Variants in TMEM236 observed in about 807,000 individuals in gnomAD.
The protein encoded by TMEM236 is family with sequence similarity 23, member A.
A neutral mutation model predicts 14.7 loss-of-function variants in TMEM236; 11 were observed. That is an observed-to-expected ratio of 0.75 (90% confidence interval 0.47 to 1.24). TMEM236 has a LOEUF of 1.24. Among genes scored for constraint, TMEM236 ranks in the 50% most tolerant of loss-of-function variants. The pLI is 0.00. For synonymous variants in TMEM236, 182 were observed against 168.6 expected (o/e 1.08, Z -0.62); for missense variants, 464 against 427.3 (o/e 1.09, Z -0.76).
At position 17,796,105 on chromosome 10, in the gene TMEM236, C is replaced by T; in HGVS notation, c.657C>T (p.Ser219=). ...ESVFMGPQEP[S]CDSGILRMMS... is the part of the protein sequence containing the mutation. ...TGTTCATGGGACCCCAGGAGCCCTC[C>T]TGTGACTCCGGAATCCTGAGAATGA... is the stretch of plus-strand genomic sequence containing the variant. Residue 219 remains serine, a synonymous_variant, in exon 4 of 4, where the codon TCC becomes TCT. Coordinates refer to ENST00000377495, the MANE Select transcript of TMEM236 (RefSeq NM_001098844.3). 1.9e-6 allele frequency: 3 copies of T among 1,613,882 alleles called. No homozygotes were observed. Among genetic ancestry groups the T allele is most frequent in the South Asian group, 2.2e-5 (2 of 91,074 alleles).
chr10:17,790,144 C>T (rs1589152771), intron 3 of TMEM236, among the ~76,000 whole-genome samples: 2 of 152,264 alleles, frequency 1.3e-5, no homozygotes, highest in Admixed American at 6.5e-5. Flanking sequence ...GTGGGAGGAT[C>T]GCGTTTGCCC....
intron 1 of TMEM236, among the ~76,000 whole-genome samples, chr10:17,770,961 G>T (rs1837561533): frequency 6.6e-6 from 1 of 152,134 alleles, no homozygotes; most frequent in Admixed American, 6.5e-5. Flanking sequence ...AAGTCATGCT[G>T]TTCATTTATT....
In TMEM236 at chr10:17,798,771, A is replaced by G. The variant is rs1414036759; in HGVS notation, c.*2267A>G. On this transcript the variant is annotated 3_prime_UTR_variant, in exon 4 of 4. Transcript: ENST00000377495. ...AAGATGAACATAATACTAGTACTAC[A>G]TTAATAGGGTTAGGAGGGTTAAAGG... The G allele has an allele frequency of 1.4e-5, 7 of 507,112 alleles. No individual in the cohort carries two copies. The highest frequency in any genetic ancestry group is 2.1e-5 in the Admixed American group (1 of 47,650). 31.4% of individuals were successfully genotyped at this position (507,112 alleles called of 1,614,324 possible).
intron 3 of TMEM236, among the ~76,000 whole-genome samples, chr10:17,781,785 C>CGT (rs1265240401): frequency 3.4e-5 from 5 of 147,126 alleles, no homozygotes; most frequent in Admixed American, 3.4e-4. Context: ...AATTTGCATG[C>CGT]GTGTGTGTGT....
Position 17,798,471 on chromosome 10 carries a change from C to A in TMEM236, c.*1967C>A, listed in dbSNP as rs1838049863. The A allele has an allele frequency of 6.2e-6, 3 of 482,644 alleles. No individual in the cohort carries two copies. Among genetic ancestry groups the A allele is most frequent in the African/African-American group, 6.0e-5 (3 of 49,846 alleles). The allele number at this position is 482,644 out of a possible 1,614,324, so 29.9% of individuals were successfully genotyped here. ...GGAAGATTGCTTGAGCCCAGGAGGT[C>A]AAGGCTACAGTGAGCTATGATCATG... On this transcript the variant is annotated 3_prime_UTR_variant, in exon 4 of 4. Coordinates refer to ENST00000377495, the MANE Select transcript of TMEM236 (RefSeq NM_001098844.3).
At chr10:17,794,221 A>G (rs1837971529) in intron 3 of TMEM236, among the ~76,000 whole-genome samples, 1 of 152,184 alleles carries the variant, frequency 6.6e-6, no homozygotes, top group Non-Finnish European at 1.5e-5. Context: ...TTTCAAATTC[A>G]GTTCCACGCG....
At chr10:17,757,028 G>T (rs1029787788) in intron 1 of TMEM236, among the ~76,000 whole-genome samples, 1 of 152,126 alleles carries the variant, frequency 6.6e-6, no homozygotes, top group African/African-American at 2.4e-5. Flanking sequence ...CTGGCCACAC[G>T]TGTTTTAAAT....
chr10:17,755,274 G>A (rs1837269723), intron 1 of TMEM236, among the ~76,000 whole-genome samples: 1 of 152,042 alleles, frequency 6.6e-6, no homozygotes, highest in Admixed American at 6.6e-5. Context: ...GAAAGCGAAT[G>A]ACATAGAACA....
At chr10:17,786,831 G>A (rs1837844604) in intron 3 of TMEM236, among the ~76,000 whole-genome samples, 1 of 152,232 alleles carries the variant, frequency 6.6e-6, no homozygotes, top group African/African-American at 2.4e-5. Context: ...GTCCCAGGGG[G>A]AGGTAATTGA....
intron 3 of TMEM236, among the ~76,000 whole-genome samples, chr10:17,789,373 A>G (rs1446083480): frequency 2.0e-5 from 3 of 152,206 alleles, no homozygotes; most frequent in Non-Finnish European, 4.4e-5. Flanking sequence ...AATATATTCT[A>G]TTCTGTCCCA....
At chr10:17,757,281 A>C (rs2131739670) in intron 1 of TMEM236, among the ~76,000 whole-genome samples, 1 of 152,278 alleles carries the variant, frequency 6.6e-6, no homozygotes, top group East Asian at 1.9e-4. Flanking sequence ...AACTTGAAGT[A>C]ATTAACTTTG....
At chr10:17,762,621 A>G (rs1422950276) in intron 1 of TMEM236, among the ~76,000 whole-genome samples, 3 of 58,932 alleles carry the variant, frequency 5.1e-5, no homozygotes, top group African/African-American at 3.4e-4. Context: ...ATATATATAC[A>G]CACATACATA....
rs1838073689 is a variant in TMEM236, at chr10:17,800,166, A to G, written c.*3662A>G. The G allele has an allele frequency of 6.6e-6, 1 of 151,470 alleles. No individual in the cohort carries two copies. Among genetic ancestry groups the G allele is most frequent in the African/African-American group, 2.4e-5 (1 of 41,232 alleles). 9.4% of individuals were successfully genotyped at this position (151,470 alleles called of 1,614,324 possible). ...AGAATTGCTTGAACCCGGAGGGCAG[A>G]GGTTGCAGTGAGCTGAGATCTCGCC... On this transcript the variant is annotated 3_prime_UTR_variant, in exon 4 of 4. Coordinates refer to ENST00000377495, the MANE Select transcript of TMEM236 (RefSeq NM_001098844.3).
In TMEM236 at chr10:17,796,086, T is replaced by C; in HGVS notation, c.638T>C (p.Met213Thr). 6.2e-7 allele frequency: 1 copy of C among 1,613,888 alleles called. No homozygotes were observed. The highest frequency in any genetic ancestry group is 8.5e-7 in the Non-Finnish European group (1 of 1,179,862). The change falls in exon 4 of 4, where the codon ATG becomes ACG. Residue 213 changes from methionine (M) to threonine (T), a missense_variant. Transcript: ENST00000377495. ...ACACGGAGCCAGGAGTCTGTGTTCATGGGACCCCAGGAGCCCTCCTGTGAC... is the reference window on the plus strand; with the variant it reads ...ACACGGAGCCAGGAGTCTGTGTTCACGGGACCCCAGGAGCCCTCCTGTGAC... ...AMTRSQESVF[M>T]GPQEPSCDSG...
At chr10:17,786,120 A>G (rs1279928128) in intron 3 of TMEM236, among the ~76,000 whole-genome samples, 1 of 152,210 alleles carries the variant, frequency 6.6e-6, no homozygotes, top group Non-Finnish European at 1.5e-5. Context: ...TAATTTTAGT[A>G]TATTAAATGA....
chr10:17,755,921 T>C (rs1371495376), intron 1 of TMEM236, among the ~76,000 whole-genome samples: 1 of 152,212 alleles, frequency 6.6e-6, no homozygotes, highest in Non-Finnish European at 1.5e-5. Flanking sequence ...TGATTCTTTA[T>C]AGATCACTGA....
chr10:17,783,587 G>A (rs938472699), intron 3 of TMEM236, among the ~76,000 whole-genome samples: 2 of 152,162 alleles, frequency 1.3e-5, no homozygotes, highest in Non-Finnish European at 1.5e-5. Context: ...CAGCATAGAT[G>A]GCTATTTCCT....
At chr10:17,793,098 C>A (rs1318851561) in intron 3 of TMEM236, among the ~76,000 whole-genome samples, 2 of 152,166 alleles carry the variant, frequency 1.3e-5, no homozygotes, top group African/African-American at 4.8e-5. Flanking sequence ...CCCTGTACCC[C>A]CTAATTTAAT....
intron 1 of TMEM236, among the ~76,000 whole-genome samples, chr10:17,763,949 G>C (rs1265269658): frequency 2.0e-5 from 3 of 152,156 alleles, no homozygotes; most frequent in African/African-American, 7.2e-5. Flanking sequence ...TCACTCAGAG[G>C]GTTGTTGTGG....
Sources: allele counts gnomAD v4.1 joint callset (sites outside exome capture counted in the v4.1 genomes callset), GRCh38; gene constraint gnomAD v4.1.1; transcripts MANE v1.5; gene names NCBI Gene and HGNC (gene_info 2026-07-23, HGNC 2026-07-21).